GDAP1: variants seen among roughly 807,000 people sequenced by gnomAD.
GDAP1 encodes ganglioside induced differentiation associated protein 1, also known as ganglioside-induced differentiation-associated protein 1.
A neutral mutation model predicts 40.1 loss-of-function variants in GDAP1; 34 were observed. The ratio of observed to expected loss-of-function variants is 0.85; its 90% CI spans 0.64 to 1.13. The LOEUF (loss-of-function observed/expected upper bound fraction) is 1.13. Among genes scored for constraint, GDAP1 ranks in the 50% most tolerant of loss-of-function variants. The pLI is 0.00. For missense variants in GDAP1, 374 were observed against 433.7 expected (o/e 0.86, Z 1.22); for synonymous variants, 170 against 157.4 (o/e 1.08, Z -0.60).
At chr8:74,485,466 C>T (rs1437803723) in intron 2 of GDAP1, among the ~76,000 whole-genome samples, 1 of 152,016 alleles carries the variant, frequency 6.6e-6, no homozygotes, top group African/African-American at 2.4e-5. Context: ...TTAGGTGGTC[C>T]CTCGGCATAT....
intron 2 of GDAP1, among the ~76,000 whole-genome samples, chr8:74,381,947 T>C (rs907726675): frequency 3.3e-5 from 5 of 152,060 alleles, no homozygotes; most frequent in Non-Finnish European, 7.4e-5. Flanking sequence ...AATCCTCTGC[T>C]TTCGCCTTCA....
intron 2 of GDAP1, among the ~76,000 whole-genome samples, chr8:74,422,493 C>CTCCTTCCTTCCT (rs67444628): frequency 0.14 from 14,543 of 104,444 alleles, 1,356 homozygotes; most frequent in Middle Eastern, 0.2. Context: ...TCCCTCCTTT[C>CTCCTTCCTTCCT]TCCTTCCTTC....
At chr8:74,352,663 G>A (rs1020937098) in intron 2 of GDAP1, among the ~76,000 whole-genome samples, 7 of 152,234 alleles carry the variant, frequency 4.6e-5, no homozygotes, top group African/African-American at 1.7e-4. Flanking sequence ...GTAAACCAAA[G>A]CATTTAATGA....
intron 2 of GDAP1, among the ~76,000 whole-genome samples, chr8:74,441,615 A>G (rs1378462136): frequency 2.6e-5 from 4 of 152,178 alleles, no homozygotes; most frequent in Admixed American, 1.3e-4. Context: ...CTTACTCTAA[A>G]TGTTTCCCAT....
chr8:74,408,967 T>C (rs1805674795), intron 2 of GDAP1, among the ~76,000 whole-genome samples: 1 of 150,006 alleles, frequency 6.7e-6, no homozygotes, highest in African/African-American at 2.5e-5. Context: ...AGTGGGTCTT[T>C]GTAGAGCTTC....
intron 2 of GDAP1, among the ~76,000 whole-genome samples, chr8:74,485,081 A>G (rs1806759905): frequency 6.6e-6 from 1 of 152,162 alleles, no homozygotes; most frequent in Non-Finnish European, 1.5e-5. Context: ...GAATAAAGTT[A>G]CACTAGTTAA....
At chr8:74,423,018 T>C (rs1375178364) in intron 2 of GDAP1, among the ~76,000 whole-genome samples, 2 of 148,152 alleles carry the variant, frequency 1.3e-5, no homozygotes, top group Non-Finnish European at 3.0e-5. Context: ...TAGTATCTAT[T>C]TTATATATAC....
At chr8:74,477,032 C>T (rs778050363) in intron 2 of GDAP1, among the ~76,000 whole-genome samples, 7 of 152,098 alleles carry the variant, frequency 4.6e-5, no homozygotes, top group Non-Finnish European at 8.8e-5. Context: ...TTCAGAAAGC[C>T]GGTGTTCAGT....
intron 2 of GDAP1, among the ~76,000 whole-genome samples, chr8:74,462,587 T>C (rs1259513077): frequency 6.6e-6 from 1 of 152,182 alleles, no homozygotes; most frequent in Admixed American, 6.5e-5. Flanking sequence ...ACCTACCAAA[T>C]AGACATTAAT....
chr8:74,463,470 A>C (rs1027174059), intron 2 of GDAP1, among the ~76,000 whole-genome samples: 1 of 151,748 alleles, frequency 6.6e-6, no homozygotes, highest in Non-Finnish European at 1.5e-5. Flanking sequence ...CAAAAAAAAA[A>C]ACAAAAATAG....
At chr8:74,418,484 T>C (rs1179352543) in intron 2 of GDAP1, among the ~76,000 whole-genome samples, 1 of 152,218 alleles carries the variant, frequency 6.6e-6, no homozygotes, top group East Asian at 1.9e-4. Context: ...TGAATATCAA[T>C]ATTAAAAACC....
chr8:74,414,885 A>G (rs1805759549), intron 2 of GDAP1, among the ~76,000 whole-genome samples: 1 of 150,222 alleles, frequency 6.7e-6, no homozygotes. Flanking sequence ...CAGACACATA[A>G]TAATCAAACT....
intron 2 of GDAP1, among the ~76,000 whole-genome samples, chr8:74,476,551 G>A (rs1806631822): frequency 6.6e-6 from 1 of 152,168 alleles, no homozygotes; most frequent in Admixed American, 6.5e-5. Context: ...AGCTTAGTCT[G>A]GCAGGATATG....
At chr8:74,476,899 C>A (rs972192078) in intron 2 of GDAP1, among the ~76,000 whole-genome samples, 1 of 151,186 alleles carries the variant, frequency 6.6e-6, no homozygotes, top group Admixed American at 6.7e-5. Context: ...ATCCATTCTC[C>A]TCATCTCTTT....
intron 2 of GDAP1, among the ~76,000 whole-genome samples, chr8:74,384,577 C>A (rs1318445900): frequency 1.3e-5 from 2 of 152,124 alleles, no homozygotes; most frequent in Admixed American, 1.3e-4. Context: ...TTGAGTCTTA[C>A]CAACATTTTC....
chr8:74,395,552 T>C (rs537212818), intron 2 of GDAP1, among the ~76,000 whole-genome samples: 3 of 152,306 alleles, frequency 2.0e-5, no homozygotes, highest in African/African-American at 7.2e-5. Context: ...CAATACAGTA[T>C]GTTGAGGTTA....
At chr8:74,392,983 A>G (rs529899655) in intron 2 of GDAP1, among the ~76,000 whole-genome samples, 32 of 152,358 alleles carry the variant, frequency 2.1e-4, no homozygotes, top group African/African-American at 7.2e-4. Flanking sequence ...GAATCCTAGT[A>G]AAATATACAC....
intron 2 of GDAP1, among the ~76,000 whole-genome samples, chr8:74,414,503 T>TA (rs894900407): frequency 6.7e-6 from 1 of 149,350 alleles, no homozygotes; most frequent in Non-Finnish European, 1.5e-5. Context: ...ATAACTGGAA[T>TA]AAAAAAACCC....
chr8:74,459,210 A>G (rs908985075), intron 2 of GDAP1, among the ~76,000 whole-genome samples: 2 of 152,216 alleles, frequency 1.3e-5, no homozygotes, highest in African/African-American at 2.4e-5. Flanking sequence ...GAAGTACCAG[A>G]AATAACTCAA....
Sources: gnomAD v4.1 joint callset for allele counts (sites outside exome capture counted in the v4.1 genomes callset) on GRCh38, gnomAD v4.1.1 for gene constraint, MANE v1.5 for transcripts, NCBI Gene and HGNC (gene_info 2026-07-23, HGNC 2026-07-21) for gene names.